Variants in SPTLC2 observed in about 807,000 individuals in gnomAD.
SPTLC2 encodes serine palmitoyltransferase long chain base subunit 2.
Under a neutral mutation model 62.0 loss-of-function variants are expected in SPTLC2, and 21 were observed. The ratio of observed to expected loss-of-function variants is 0.34; its 90% CI spans 0.24 to 0.49. The LOEUF is 0.49. Among genes scored for constraint, SPTLC2 ranks in the 20% least tolerant of loss-of-function variants. The pLI is 0.99. For missense variants in SPTLC2, 511 were observed against 713.0 expected (o/e 0.72, Z 3.23); for synonymous variants, 261 against 261.8 (o/e 1.00, Z 0.03).
At chr14:77,551,862 A>G (rs569166974) in intron 9 of SPTLC2, among the ~76,000 whole-genome samples, 2 of 152,226 alleles carry the variant, frequency 1.3e-5, no homozygotes, top group Non-Finnish European at 2.9e-5. Flanking sequence ...TATGTAGGAT[A>G]GTAAGAGTAA....
At chr14:77,531,446 C>T (rs10145025) in intron 9 of SPTLC2, among the ~76,000 whole-genome samples, 2,349 of 103,158 alleles carry the variant, frequency 0.023, 30 homozygotes, top group African/African-American at 0.053. Flanking sequence ...TTCTTCTTCT[C>T]CTCCTTCTCC....
chr14:77,601,499 A>C (rs918294694), intron 1 of SPTLC2, among the ~76,000 whole-genome samples: 2 of 152,168 alleles, frequency 1.3e-5, no homozygotes, highest in African/African-American at 4.8e-5. Flanking sequence ...GCCCACTAGC[A>C]CCCAGGTGAA....
chr14:77,556,973 T>A (rs1224207792), intron 7 of SPTLC2, 68 bp downstream of exon 7: 14 of 1,304,956 alleles, frequency 1.1e-5, no homozygotes, highest in Non-Finnish European at 1.4e-5. Flanking sequence ...TAATGTTCCC[T>A]TCAGTTAAAA....
chr14:77,602,014 T>C (rs2079880407), intron 1 of SPTLC2, among the ~76,000 whole-genome samples: 1 of 152,042 alleles, frequency 6.6e-6, no homozygotes. Context: ...GCCTTGGTCA[T>C]TCACCCACAT....
At chr14:77,522,109 A>G (rs1170761733) in intron 9 of SPTLC2, among the ~76,000 whole-genome samples, 1 of 152,094 alleles carries the variant, frequency 6.6e-6, no homozygotes, top group South Asian at 2.1e-4. Flanking sequence ...TTAGACCCCC[A>G]AATTTTCATC....
In SPTLC2 at chr14:77,558,986, T is replaced by C. The variant is rs755362659; in HGVS notation, c.851-1840A>G. 1.6e-4 allele frequency among the ~76,000 whole-genome samples: 25 copies of C among 152,052 alleles called. 1 individual carries two copies. Among genetic ancestry groups the C allele is most frequent in the South Asian group, 1.0e-3 (5 of 4,826 alleles). Reference sequence around the variant, plus strand: ...TATTTTAGTTTTCTCTGTTTATATATAGAAGGAGGAGAAAAATAATACTGG... The same window carrying C: ...TATTTTAGTTTTCTCTGTTTATATACAGAAGGAGGAGAAAAATAATACTGG... On this transcript the variant is annotated intron_variant, in intron 6 of 11. Coordinates refer to ENST00000216484, the MANE Select transcript of SPTLC2 (RefSeq NM_004863.4).
chr14:77,511,952 G>T lies in SPTLC2; in HGVS notation c.*332C>A. Reference sequence around the variant, plus strand: ...CCCAAGTCTGCAAGGTGCTGGGAGAGGGGAATGGCCTGTGTGGTTAGCCAG... The same window carrying T: ...CCCAAGTCTGCAAGGTGCTGGGAGATGGGAATGGCCTGTGTGGTTAGCCAG... On this transcript the variant is annotated 3_prime_UTR_variant, in exon 12 of 12. Transcript: ENST00000216484. 2.8e-6 allele frequency: 1 copy of T among 358,860 alleles called. No homozygotes were observed. Among genetic ancestry groups the T allele is most frequent in the Non-Finnish European group, 5.4e-6 (1 of 184,852 alleles). 22.2% of individuals were successfully genotyped at this position (358,860 alleles called of 1,614,324 possible).
At chr14:77,565,909 C>G (rs902508671) in intron 5 of SPTLC2, among the ~76,000 whole-genome samples, 5 of 151,946 alleles carry the variant, frequency 3.3e-5, no homozygotes, top group African/African-American at 1.2e-4. Context: ...TTTTGTAACT[C>G]TTTTTGTAAG....
intron 11 of SPTLC2, among the ~76,000 whole-genome samples, chr14:77,513,131 T>C (rs528915852): frequency 6.4e-5 from 9 of 140,582 alleles, no homozygotes; most frequent in African/African-American, 2.3e-4. Context: ...GTTCAAGAGA[T>C]TCTCTGCCTC....
chr14:77,551,440 C>G (rs571470769), intron 9 of SPTLC2, among the ~76,000 whole-genome samples: 1 of 143,668 alleles, frequency 7.0e-6, no homozygotes, highest in Non-Finnish European at 1.5e-5. Flanking sequence ...TTGTCTCATA[C>G]ATGCAATGAA....
rs142493170 is a variant in SPTLC2, at chr14:77,515,988, C to CTGTG, written c.1569+2046_1569+2049dup. Among the ~76,000 whole-genome samples, 1,016 of 151,186 alleles carry CTGTG rather than the reference C, an allele frequency of 6.7e-3. 6 individuals are homozygous for CTGTG. The highest frequency in any genetic ancestry group is 0.022 in the African/African-American group (911 of 41,106). On this transcript the variant is annotated intron_variant, in intron 11 of 11. Coordinates refer to ENST00000216484, the MANE Select transcript of SPTLC2 (RefSeq NM_004863.4). ...TGATGAATTCATTTATGAGCTCTAG[C>CTGTG]TGTGTGTGTGTGTGTGTGCGCGCGC...
At chr14:77,592,141 CT>C (rs913202292) in intron 2 of SPTLC2, among the ~76,000 whole-genome samples, 129 of 143,004 alleles carry the variant, frequency 9.0e-4, no homozygotes, top group Non-Finnish European at 8.4e-4. Context: ...TAGTACGCTA[CT>C]TTTTTTTTTT....
intron 9 of SPTLC2, among the ~76,000 whole-genome samples, chr14:77,529,257 T>C (rs866430015): frequency 0.33 from 40,944 of 124,038 alleles, 5,621 homozygotes; most frequent in African/African-American, 0.35. Flanking sequence ...CTTCTTCTTT[T>C]TTTTTTTTTT....
chr14:77,529,620 C>CTTTCTTTCTTTTTTTTT (rs1555373703), intron 9 of SPTLC2, among the ~76,000 whole-genome samples: 1 of 76,048 alleles, frequency 1.3e-5, no homozygotes, highest in Non-Finnish European at 2.7e-5. Flanking sequence ...TTCTTTCTTT[C>CTTTCTTTCTTTTTTTTT]TTTTTTTTTT....
chr14:77,565,164 C>T (rs1215708999), intron 5 of SPTLC2, among the ~76,000 whole-genome samples: 2 of 146,878 alleles, frequency 1.4e-5, no homozygotes, highest in African/African-American at 2.5e-5. Context: ...ATTGCTTGAA[C>T]CCAGGAAGCA....
intron 4 of SPTLC2, among the ~76,000 whole-genome samples, chr14:77,574,609 A>G (rs572378048): frequency 4.9e-4 from 75 of 152,350 alleles, no homozygotes; most frequent in African/African-American, 1.7e-3. Context: ...CCATCAAGTG[A>G]TAAGTGGATA....
At position 77,511,297 on chromosome 14, in the gene SPTLC2, C is replaced by G. The variant is rs922519883; in HGVS notation, c.*987G>C. ...TTCCTTTATCAGTTTAAATCCTAATCTGGACCCAGACCTAGCCAGAGACTG... is the reference window on the plus strand; with the variant it reads ...TTCCTTTATCAGTTTAAATCCTAATGTGGACCCAGACCTAGCCAGAGACTG... On this transcript the variant is annotated 3_prime_UTR_variant, in exon 12 of 12. Coordinates refer to ENST00000216484, the MANE Select transcript of SPTLC2 (RefSeq NM_004863.4). The G allele has an allele frequency of 6.6e-6, 1 of 152,228 alleles. No individual in the cohort carries two copies. The highest frequency in any genetic ancestry group is 2.4e-5 in the African/African-American group (1 of 41,460). The allele number at this position is 152,228 out of a possible 1,614,324, so 9.4% of individuals were successfully genotyped here.
chr14:77,599,494 A>G (rs1436790114), intron 1 of SPTLC2, among the ~76,000 whole-genome samples: 1 of 152,246 alleles, frequency 6.6e-6, no homozygotes, highest in African/African-American at 2.4e-5. Context: ...AAGCTGCTTC[A>G]GTGTTACAGA....
intron 1 of SPTLC2, among the ~76,000 whole-genome samples, chr14:77,606,987 C>CAA (rs763777208): frequency 3.4e-5 from 4 of 118,242 alleles, no homozygotes; most frequent in Admixed American, 8.6e-5. Context: ...AGACCCATCT[C>CAA]AAAAAAAAAA....
Sources: allele counts gnomAD v4.1 joint callset (sites outside exome capture counted in the v4.1 genomes callset), GRCh38; gene constraint gnomAD v4.1.1; transcripts MANE v1.5; gene names NCBI Gene and HGNC (gene_info 2026-07-23, HGNC 2026-07-21).